RUNX1T1: variants seen among roughly 807,000 people sequenced by gnomAD.
RUNX1T1 encodes protein CBFA2T1.
A neutral mutation model predicts 62.8 loss-of-function variants in RUNX1T1; 4 were observed. The ratio of observed to expected loss-of-function variants is 0.06; its 90% confidence interval spans 0.03 to 0.15. RUNX1T1 has a LOEUF of 0.15. Ranked by LOEUF, RUNX1T1 falls within the 10% of genes least tolerant of loss-of-function variation. The probability of loss-of-function intolerance (pLI) is 1.00; values close to 1 mark genes in which losing one functional copy is unlikely to be tolerated. For missense variants in RUNX1T1, 508 were observed against 754.3 expected (o/e 0.67, Z 3.82); for synonymous variants, 291 against 286.0 (o/e 1.02, Z -0.18).
chr8:92,090,871 A>G (rs535151914), intron 1 of RUNX1T1, among the ~76,000 whole-genome samples: 2 of 152,210 alleles, frequency 1.3e-5, no homozygotes, highest in Non-Finnish European at 2.9e-5. Context: ...TTTGAAATGA[A>G]GAAAGTGAAA....
At chr8:91,965,316 G>C (rs1009107656) in intron 10 of RUNX1T1, among the ~76,000 whole-genome samples, 1 of 152,056 alleles carries the variant, frequency 6.6e-6, no homozygotes, top group African/African-American at 2.4e-5. Context: ...TTACTTCCCC[G>C]TTCTTCCTTA....
At chr8:92,005,405 C>T (rs1275045358) in intron 4 of RUNX1T1, 108 bp from the exon 6 acceptor site, 1 of 937,806 alleles carries the variant, frequency 1.1e-6, no homozygotes, top group African/African-American at 1.7e-5. Context: ...GCAGCTACAT[C>T]AAAGGTCAAA....
chr8:92,075,623 TTTTACTC>T (rs1202811707), intron 2 of RUNX1T1, among the ~76,000 whole-genome samples: 7 of 152,148 alleles, frequency 4.6e-5, no homozygotes, highest in African/African-American at 1.7e-4. Flanking sequence ...ATGGCATAGT[TTTTACTC>T]TTTAACTCCA....
chr8:92,057,233 A>G (rs1430169527), intron 1 of RUNX1T1, among the ~76,000 whole-genome samples: 1 of 152,200 alleles, frequency 6.6e-6, no homozygotes, highest in Non-Finnish European at 1.5e-5. Flanking sequence ...AGATTCAAAC[A>G]TTCCCCTTTA....
chr8:92,002,671 T>C (rs1462991859), intron 5 of RUNX1T1, among the ~76,000 whole-genome samples: 2 of 152,124 alleles, frequency 1.3e-5, no homozygotes, highest in Non-Finnish European at 2.9e-5. Context: ...CCCAGTGTTA[T>C]TACAGAAACA....
intron 1 of RUNX1T1, among the ~76,000 whole-genome samples, chr8:92,027,081 G>A (rs1439147255): frequency 7.2e-6 from 1 of 138,338 alleles, no homozygotes; most frequent in African/African-American, 2.7e-5. Flanking sequence ...GCGCCACTGC[G>A]CTCCAGCCTG....
At chr8:92,047,401 C>A (rs932458092) in intron 1 of RUNX1T1, among the ~76,000 whole-genome samples, 1 of 152,242 alleles carries the variant, frequency 6.6e-6, no homozygotes, top group African/African-American at 2.4e-5. Flanking sequence ...TACAGACCCT[C>A]CTTATCCTGA....
chr8:91,992,907 A>G (rs1817951546), intron 5 of RUNX1T1, among the ~76,000 whole-genome samples: 1 of 152,242 alleles, frequency 6.6e-6, no homozygotes, highest in Non-Finnish European at 1.5e-5. Context: ...GTAAAGCAGT[A>G]ATTTCTGGCT....
intron 10 of RUNX1T1, among the ~76,000 whole-genome samples, chr8:91,962,419 A>T (rs536449377): frequency 6.6e-6 from 1 of 152,258 alleles, no homozygotes; most frequent in African/African-American, 2.4e-5. Context: ...AAAAAATGTC[A>T]TAAGTTAAAA....
intron 5 of RUNX1T1, among the ~76,000 whole-genome samples, chr8:91,992,240 C>T (rs573365270): frequency 1.3e-5 from 2 of 152,166 alleles, no homozygotes; most frequent in East Asian, 1.9e-4. Context: ...ACCCTAAGAC[C>T]GACTGTATTT....
chr8:92,063,053 G>A, upstream of RUNX1T1: 1 of 717,484 alleles, frequency 1.4e-6, no homozygotes, highest in Non-Finnish European at 1.8e-6. Context: ...CACAATAAAA[G>A]GCTTCCCTTC....
intron 8 of RUNX1T1, among the ~76,000 whole-genome samples, chr8:91,980,437 T>C (rs879460606): frequency 6.6e-6 from 1 of 152,224 alleles, no homozygotes; most frequent in African/African-American, 2.4e-5. Context: ...TATTTTTCCA[T>C]AGCCTTGTAT....
intron 4 of RUNX1T1, chr8:92,010,096 T>G (rs1209773986): frequency 1.3e-5 from 2 of 152,188 alleles, no homozygotes; most frequent in Non-Finnish European, 2.9e-5. Flanking sequence ...TCTGATCAGT[T>G]ATATTTCTGG....
At chr8:92,053,377 T>C (rs1382383080) in intron 1 of RUNX1T1, among the ~76,000 whole-genome samples, 1 of 152,098 alleles carries the variant, frequency 6.6e-6, no homozygotes, top group Non-Finnish European at 1.5e-5. Context: ...CTCCACTAGG[T>C]GACAAGAATG....
exon 11 of RUNX1T1, chr8:91,959,009 G>A (rs1809814313): frequency 4.9e-6 from 1 of 202,316 alleles, no homozygotes; most frequent in African/African-American, 2.4e-5. Flanking sequence ...AGATATAAAA[G>A]CAGCATAGAA....
chr8:92,078,206 A>G (rs1834720087), intron 1 of RUNX1T1, among the ~76,000 whole-genome samples: 3 of 152,088 alleles, frequency 2.0e-5, no homozygotes, highest in Admixed American at 6.6e-5. Context: ...GTAACTAAAA[A>G]AAAAAAAAGA....
chr8:91,984,155 G>A (rs7015020), intron 8 of RUNX1T1, among the ~76,000 whole-genome samples: 1,528 of 152,276 alleles, frequency 0.01, 26 homozygotes, highest in African/African-American at 0.032. Flanking sequence ...CTAAAAAATA[G>A]TATAGTTTGT....
chr8:91,972,841 T>C (rs1813133343), intron 9 of RUNX1T1, among the ~76,000 whole-genome samples: 1 of 152,092 alleles, frequency 6.6e-6, no homozygotes, highest in Non-Finnish European at 1.5e-5. Context: ...TCTCTGATCA[T>C]GTAAAAAGAA....
intron 9 of RUNX1T1, among the ~76,000 whole-genome samples, chr8:91,972,253 G>C (rs1164029520): frequency 6.6e-6 from 1 of 152,114 alleles, no homozygotes; most frequent in East Asian, 1.9e-4. Flanking sequence ...TCCATGACTT[G>C]AGAGTCATCA....
Sources: gnomAD v4.1 joint callset for allele counts (sites outside exome capture counted in the v4.1 genomes callset) on GRCh38, gnomAD v4.1.1 for gene constraint, MANE v1.5 for transcripts, NCBI Gene and HGNC (gene_info 2026-07-23, HGNC 2026-07-21) for gene names.